Variants in WDR70 observed in about 807,000 individuals in gnomAD.
The protein encoded by WDR70 is WD repeat domain 70.
A neutral mutation model predicts 88.6 loss-of-function variants in WDR70; 53 were observed. The observed-to-expected ratio is 0.60, with a 90% CI of 0.48 to 0.75. WDR70 has a LOEUF of 0.75. Among genes scored for constraint, WDR70 ranks in the 30% least tolerant of loss-of-function variants. WDR70 has a pLI of 0.00. For synonymous variants in WDR70, 280 were observed against 270.0 expected, an observed-to-expected ratio of 1.04 and a Z score of -0.36; for missense variants, 610 against 823.2, an observed-to-expected ratio of 0.74 and a Z score of 3.17.
chr5:37,691,083 C>T (rs554621889), intron 10 of WDR70, among the ~76,000 whole-genome samples: 20 of 152,060 alleles, frequency 1.3e-4, no homozygotes, highest in African/African-American at 3.1e-4. Context: ...TCCTAGTCTC[C>T]GATAAAACAG....
chr5:37,688,946 A>G (rs545134122), intron 10 of WDR70, among the ~76,000 whole-genome samples: 12 of 152,296 alleles, frequency 7.9e-5, no homozygotes, highest in African/African-American at 2.9e-4. Flanking sequence ...GGAAGCCGTG[A>G]CAGACTGTAC....
At chr5:37,644,276 G>A (rs1385852796) in intron 10 of WDR70, among the ~76,000 whole-genome samples, 1 of 151,954 alleles carries the variant, frequency 6.6e-6, no homozygotes, top group African/African-American at 2.4e-5. Context: ...CTGTTGGTAT[G>A]ATGTGTCACT....
intron 7 of WDR70, among the ~76,000 whole-genome samples, chr5:37,445,678 A>C (rs1738446356): frequency 6.6e-6 from 1 of 152,206 alleles, no homozygotes; most frequent in Non-Finnish European, 1.5e-5. Flanking sequence ...AACAGAACCA[A>C]AGACAAAAAC....
intron 13 of WDR70, among the ~76,000 whole-genome samples, chr5:37,715,684 A>G (rs543430709): frequency 6.6e-6 from 1 of 152,194 alleles, no homozygotes; most frequent in African/African-American, 2.4e-5. Context: ...AGACAGGACA[A>G]ATAGCCTGGA....
intron 10 of WDR70, among the ~76,000 whole-genome samples, chr5:37,659,613 C>T (rs1286015948): frequency 2.0e-5 from 3 of 152,098 alleles, no homozygotes; most frequent in Non-Finnish European, 4.4e-5. Flanking sequence ...GGGTAGATAA[C>T]AGATATTTAT....
chr5:37,559,796 G>A (rs1057113092), intron 9 of WDR70, among the ~76,000 whole-genome samples: 5 of 149,878 alleles, frequency 3.3e-5, no homozygotes, highest in African/African-American at 1.2e-4. Flanking sequence ...GGTGAGCTGA[G>A]ATCACGCCGT....
chr5:37,399,160 C>T (rs1749120866), intron 5 of WDR70, among the ~76,000 whole-genome samples: 1 of 152,128 alleles, frequency 6.6e-6, no homozygotes, highest in African/African-American at 2.4e-5. Flanking sequence ...CGCCTGTAGT[C>T]CCAGCTACTC....
In WDR70 at chr5:37,505,830, G is replaced by T; in HGVS notation, c.841-10684G>T. 6 of 1,376,032 alleles carry T rather than the reference G, an allele frequency of 4.4e-6. No individual in the cohort carries two copies. In the South Asian group the frequency reaches 5.8e-5, roughly 13 times the overall value. The allele number at this position is 1,376,032 out of a possible 1,614,324, so 85.2% of individuals were successfully genotyped here. A position where few individuals can be genotyped will look rare whatever the true frequency, so the allele number is the denominator to read the frequency against. ...CTCTAAATTGGTTCCTGCCAGAGTT[G>T]CTCCTCTGAGGTTACAATTCTTCAA... On this transcript the variant is annotated intron_variant, in intron 8 of 17. Transcript: ENST00000265107.
chr5:37,721,360 A>G, intron 14 of WDR70, 145 bp downstream of exon 14: 1 of 677,682 alleles, frequency 1.5e-6, no homozygotes, highest in Non-Finnish European at 2.5e-6. Context: ...AAAGCCTCAA[A>G]CTCCTGGTAT....
At chr5:37,448,779 C>T (rs184527049) in intron 7 of WDR70, among the ~76,000 whole-genome samples, 7 of 151,982 alleles carry the variant, frequency 4.6e-5, no homozygotes, top group Admixed American at 3.3e-4. Context: ...TACCACATTA[C>T]CTTTGGTCCT....
intron 10 of WDR70, among the ~76,000 whole-genome samples, chr5:37,686,514 G>A (rs1252554998): frequency 1.3e-5 from 2 of 151,028 alleles, no homozygotes; most frequent in Non-Finnish European, 3.0e-5. Context: ...GATCGCTTGA[G>A]CCCAGGAGTT....
At chr5:37,651,122 C>T (rs922170933) in intron 10 of WDR70, among the ~76,000 whole-genome samples, 5 of 152,158 alleles carry the variant, frequency 3.3e-5, no homozygotes, top group South Asian at 2.1e-4. Flanking sequence ...AGCCCTCCAT[C>T]CCCCAACAAG....
At chr5:37,433,261 A>C (rs2112027514) in intron 5 of WDR70, among the ~76,000 whole-genome samples, 1 of 152,094 alleles carries the variant, frequency 6.6e-6, no homozygotes, top group East Asian at 2.0e-4. Flanking sequence ...GGGTTTCACC[A>C]TGTTGGTCAG....
chr5:37,523,295 G>A (rs1024512428), intron 9 of WDR70, among the ~76,000 whole-genome samples: 2 of 152,212 alleles, frequency 1.3e-5, no homozygotes, highest in African/African-American at 2.4e-5. Flanking sequence ...CCAGAGGAAC[G>A]ATCAGGCAGC....
chr5:37,664,690 C>T (rs550792078), intron 10 of WDR70, among the ~76,000 whole-genome samples: 1 of 152,310 alleles, frequency 6.6e-6, no homozygotes, highest in South Asian at 2.1e-4. Context: ...GTTTGCCTCC[C>T]TTTCTAGACA....
chr5:37,415,753 A>G (rs1749714196), intron 5 of WDR70, among the ~76,000 whole-genome samples: 2 of 148,736 alleles, frequency 1.3e-5, no homozygotes, highest in Non-Finnish European at 3.0e-5. Context: ...CACTTCTCAG[A>G]CGGGGCGGCT....
intron 7 of WDR70, among the ~76,000 whole-genome samples, chr5:37,459,437 G>T (rs1476717434): frequency 2.0e-5 from 3 of 147,812 alleles, no homozygotes; most frequent in Non-Finnish European, 4.5e-5. Flanking sequence ...AAGCAATGGG[G>T]AAAGGATTCC....
chr5:37,443,154 T>G, intron 6 of WDR70, 85 bp from the exon 7 acceptor site: 1 of 1,425,294 alleles, frequency 7.0e-7, no homozygotes, highest in Non-Finnish European at 9.4e-7. Flanking sequence ...ACATAGGGGG[T>G]GGGATTAAAG....
chr5:37,510,198 T>C (rs1350508189), intron 8 of WDR70, among the ~76,000 whole-genome samples: 8 of 152,288 alleles, frequency 5.3e-5, no homozygotes, highest in African/African-American at 1.9e-4. Flanking sequence ...GATTTACCAA[T>C]TGCTAACATT....
Sources: allele counts gnomAD v4.1 joint callset (sites outside exome capture counted in the v4.1 genomes callset), GRCh38; gene constraint gnomAD v4.1.1; transcripts MANE v1.5; gene names NCBI Gene and HGNC (gene_info 2026-07-23, HGNC 2026-07-21).